Variants in HHIPL2 observed in about 807,000 individuals in gnomAD.
HHIPL2 encodes the protein HHIP like 2, also known as HHIP-like protein 2.
A neutral mutation model predicts 61.0 loss-of-function variants in HHIPL2; 61 were observed. The ratio of observed to expected loss-of-function variants is 1.00; its 90% CI spans 0.81 to 1.24. HHIPL2 has a LOEUF of 1.24. Among genes scored for constraint, HHIPL2 ranks in the 50% most tolerant of loss-of-function variants. HHIPL2 has a pLI of 0.00. For missense variants in HHIPL2, 885 were observed against 910.2 expected (o/e 0.97, Z 0.36); for synonymous variants, 343 against 357.4 (o/e 0.96, Z 0.45).
At chr1:222,534,739 A>G (rs1019967446) in intron 5 of HHIPL2, among the ~76,000 whole-genome samples, 1 of 152,056 alleles carries the variant, frequency 6.6e-6, no homozygotes. Flanking sequence ...GAAACAATTC[A>G]TGAACTAAAG....
At chr1:222,528,561 C>G (rs368150089) in intron 6 of HHIPL2, among the ~76,000 whole-genome samples, 1 of 152,006 alleles carries the variant, frequency 6.6e-6, no homozygotes, top group East Asian at 1.9e-4. Flanking sequence ...GAGCCAAGAC[C>G]GCATCACTAC....
At chr1:222,541,918 C>T in intron 3 of HHIPL2, 94 bp downstream of exon 3, 1 of 1,302,040 alleles carries the variant, frequency 7.7e-7, no homozygotes, top group East Asian at 2.4e-5. Context: ...CTACATCTTG[C>T]AGTGTGTGAT....
At chr1:222,527,468 T>G (rs1659094184) in intron 6 of HHIPL2, among the ~76,000 whole-genome samples, 1 of 152,140 alleles carries the variant, frequency 6.6e-6, no homozygotes, top group African/African-American at 2.4e-5. Flanking sequence ...TGCCCCTTCT[T>G]TAGTCCTTTT....
At position 222,544,170 on chromosome 1, in the gene HHIPL2, G is replaced by A. The variant is rs1031315453; in HGVS notation, c.341C>T (p.Ala114Val). Reference protein sequence around the residue: ...ILCQECSPYAAHLYDAENTQT... With the variant: ...ILCQECSPYAVHLYDAENTQT... ...GGTGTTTTCGGCGTCGTAGAGGTGG[G>A]CTGCGTAGGGCGAGCACTCCTAAAA... is the stretch of plus-strand genomic sequence containing the variant. Residue 114 changes from alanine (A) to valine (V), a missense_variant, in exon 2 of 9, where the codon GCC (alanine) becomes GTC (valine). Ala to Val is a moderately conservative substitution (Grantham distance 64). Coordinates refer to ENST00000343410, the MANE Select transcript of HHIPL2 (RefSeq NM_024746.4). 2 of 1,612,590 alleles carry A rather than the reference G, an allele frequency of 1.2e-6. No individual in the cohort carries two copies. The highest frequency in any genetic ancestry group is 1.7e-6 in the Non-Finnish European group (2 of 1,179,884).
chr1:222,531,279 C>G (rs1327847308), intron 6 of HHIPL2, among the ~76,000 whole-genome samples: 1 of 152,152 alleles, frequency 6.6e-6, no homozygotes, highest in Non-Finnish European at 1.5e-5. Context: ...CCAGACAGCA[C>G]CGGCAGCATA....
In HHIPL2 at chr1:222,547,940, C is replaced by T. The variant is rs1410631923; in HGVS notation, c.105G>A (p.Gln35=). Reference sequence around the variant, plus strand: ...GGGGGTGTCCCTGCAGCAAGCCCACCTGGCCCAACAAGAATATGAGGCAGA... The same window carrying T: ...GGGGGTGTCCCTGCAGCAAGCCCACTTGGCCCAACAAGAATATGAGGCAGA... The part of the protein sequence containing the change: ...LCLCLIFLLG[Q]VGLLQGHPQC... Residue 35 remains glutamine, a synonymous_variant, in exon 1 of 9, where the codon CAG becomes CAA. Transcript: ENST00000343410. The T allele has an allele frequency of 1.2e-6, 2 of 1,613,038 alleles. No individual in the cohort carries two copies. Among genetic ancestry groups the T allele is most frequent in the Non-Finnish European group, 8.5e-7 (1 of 1,179,250 alleles).
intron 1 of HHIPL2, among the ~76,000 whole-genome samples, chr1:222,546,017 C>T (rs1659546547): frequency 8.4e-6 from 1 of 118,398 alleles, no homozygotes; most frequent in African/African-American, 3.1e-5. Flanking sequence ...TGCACTCCAT[C>T]CTGAGTGACA....
At position 222,540,258 on chromosome 1, in the gene HHIPL2, T is replaced by C. The variant is rs373229524; in HGVS notation, c.1202A>G (p.Asn401Ser). Residue 401 changes from asparagine to serine, a missense_variant, in exon 4 of 9, where the codon AAT (asparagine) becomes AGT (serine). By Grantham distance (46) the Asn-to-Ser change is conservative. Transcript: ENST00000343410. The stretch of plus-strand genomic sequence containing the variant: ...GGCCCCTGGCTCAGAAACAAATGGA[T>C]TGTCCGAGGGGACTCGGTACCGCTT... ...HGKRYRVPSDNPFVSEPGAHP... is the reference protein window; with the variant it reads ...HGKRYRVPSDSPFVSEPGAHP... 23 of 1,614,128 alleles carry C rather than the reference T, an allele frequency of 1.4e-5. No homozygotes were observed. The highest frequency in any genetic ancestry group is 2.7e-5 in the African/African-American group (2 of 74,948).
chr1:222,530,607 G>A lies in HHIPL2; in HGVS notation c.1723+1359C>T, dbSNP rs889927652. 2.0e-5 allele frequency among the ~76,000 whole-genome samples: 3 copies of A among 152,262 alleles called. 1 individual carries two copies. In the South Asian group the frequency reaches 6.2e-4, roughly 32 times the overall value. ...GAGGAAAGGGTCCGGGAGCTGACTGGGTCTCTTTATATCCTACTCAAGTGA... is the reference window on the plus strand; with the variant it reads ...GAGGAAAGGGTCCGGGAGCTGACTGAGTCTCTTTATATCCTACTCAAGTGA... On this transcript the variant is annotated intron_variant, in intron 6 of 8. Transcript: ENST00000343410.
In HHIPL2 at chr1:222,543,673, G is replaced by T. The variant is rs1327717850; in HGVS notation, c.838C>A (p.His280Asn). The T allele has an allele frequency of 6.2e-7, 1 of 1,614,042 alleles. No homozygotes were observed. The highest frequency in any genetic ancestry group is 8.5e-7 in the Non-Finnish European group (1 of 1,180,046). Residue 280 changes from histidine to asparagine, a missense_variant, in exon 2 of 9, where the codon CAC becomes AAC. Physicochemically the swap from His to Asn is moderately conservative, Grantham distance 68. Transcript: ENST00000343410. Reference sequence around the variant, plus strand: ...TTGCGATTGTGGCGGAATTTGGGGTGAAAAGCCAACCCCAAGAAGCCTCTC... The same window carrying T: ...TTGCGATTGTGGCGGAATTTGGGGTTAAAAGCCAACCCCAAGAAGCCTCTC... ...DERGFLGLAF[H>N]PKFRHNRKFY...
chr1:222,530,492 G>A (rs1203968352), intron 6 of HHIPL2, among the ~76,000 whole-genome samples: 2 of 152,154 alleles, frequency 1.3e-5, no homozygotes, highest in Non-Finnish European at 2.9e-5. Context: ...ACTTTTTCCT[G>A]TTAAAATACT....
intron 5 of HHIPL2, 93 bp downstream of exon 5, chr1:222,538,555 C>T (rs1041976914): frequency 8.6e-7 from 1 of 1,162,214 alleles, no homozygotes; most frequent in Non-Finnish European, 1.2e-6. Flanking sequence ...AACACCTGTG[C>T]TCTTACGTGA....
Position 222,540,291 on chromosome 1 carries a change from G to A in HHIPL2, c.1169C>T (p.Ser390Leu). 1 of 1,614,178 alleles carries A rather than the reference G, an allele frequency of 6.2e-7. No individual in the cohort carries two copies. The highest frequency in any genetic ancestry group is 8.5e-7 in the Non-Finnish European group (1 of 1,180,012). Residue 390 changes from serine (S) to leucine (L), a missense_variant, in exon 4 of 9, where the codon TCA becomes TTA. Physicochemically the swap from Ser to Leu is moderately radical, Grantham distance 145. Coordinates refer to ENST00000343410, the MANE Select transcript of HHIPL2 (RefSeq NM_024746.4). ...VLRIDVNRAG[S>L]HGKRYRVPSD... The stretch of plus-strand genomic sequence containing the variant: ...GGGGACTCGGTACCGCTTGCCATGT[G>A]AGCCTGCCCTGTTCACATCGATCCT...
Position 222,547,907 on chromosome 1 carries a change from C to T in HHIPL2, c.138G>A (p.Leu46=), listed in dbSNP as rs1253458818. The change falls in exon 1 of 9, where the codon CTG becomes CTA. Residue 46 remains leucine (L), a synonymous_variant. Transcript: ENST00000343410. The part of the protein sequence containing the change: ...VGLLQGHPQC[L]DYGPPFQPPL... The stretch of plus-strand genomic sequence containing the variant: ...GGGGCTGGAAAGGGGGCCCGTAATC[C>T]AGGCACTGGGGGTGTCCCTGCAGCA... 9 of 1,613,988 alleles carry T rather than the reference C, an allele frequency of 5.6e-6. No individual in the cohort carries two copies. Among genetic ancestry groups the T allele is most frequent in the Non-Finnish European group, 7.6e-6 (9 of 1,180,022 alleles).
rs199605935 is a variant in HHIPL2, at chr1:222,540,285, C to A, written c.1175G>T (p.Gly392Val). 1 of 1,614,184 alleles carries A rather than the reference C, an allele frequency of 6.2e-7. No individual in the cohort carries two copies. The highest frequency in any genetic ancestry group is 1.3e-5 in the African/African-American group (1 of 75,062). ...GTCCGAGGGGACTCGGTACCGCTTG[C>A]CATGTGAGCCTGCCCTGTTCACATC... Reference protein sequence around the residue: ...RIDVNRAGSHGKRYRVPSDNP... With the variant: ...RIDVNRAGSHVKRYRVPSDNP... Residue 392 changes from glycine to valine, a missense_variant, in exon 4 of 9, where the codon GGC (glycine) becomes GTC (valine). By Grantham distance (109) the Gly-to-Val change is moderately radical. Coordinates refer to ENST00000343410, the MANE Select transcript of HHIPL2 (RefSeq NM_024746.4).
intron 1 of HHIPL2, among the ~76,000 whole-genome samples, chr1:222,544,668 C>T (rs1659518252): frequency 6.6e-6 from 1 of 152,096 alleles, no homozygotes; most frequent in East Asian, 1.9e-4. Context: ...TCGGCCCAGC[C>T]TCATTTTCTT....
chr1:222,540,054 C>T lies in HHIPL2; in HGVS notation c.1406G>A (p.Gly469Glu). The T allele has an allele frequency of 1.2e-6, 2 of 1,614,220 alleles. No homozygotes were observed. Among genetic ancestry groups the T allele is most frequent in the Non-Finnish European group, 1.7e-6 (2 of 1,180,048 alleles). ...GGNYGWRAKEGFACYDKKLCH... is the reference protein window; with the variant it reads ...GGNYGWRAKEEFACYDKKLCH... ...AAGTTTTTTGTCATAACATGCAAAC[C>T]CTTCCTTTGCTCTCCAGCCATAGTT... is the stretch of plus-strand genomic sequence containing the variant. Residue 469 changes from glycine (G) to glutamate (E), a missense_variant, in exon 4 of 9, where the codon GGG becomes GAG. By Grantham distance (98) the Gly-to-Glu change is moderately conservative (BLOSUM62 -2). Coordinates refer to ENST00000343410, the MANE Select transcript of HHIPL2 (RefSeq NM_024746.4).
intron 1 of HHIPL2, among the ~76,000 whole-genome samples, chr1:222,544,415 T>G (rs1380597853): frequency 6.6e-6 from 1 of 152,238 alleles, no homozygotes; most frequent in Non-Finnish European, 1.5e-5. Context: ...CTGTACTATC[T>G]CTAACATTTC....
chr1:222,541,988 G>A (rs1659441714), intron 3 of HHIPL2, 24 bp downstream of exon 3: 2 of 1,584,522 alleles, frequency 1.3e-6, no homozygotes, highest in African/African-American at 2.7e-5. Context: ...GAAGGGACAA[G>A]GGCCCGGCCC....
Sources: allele counts gnomAD v4.1 joint callset (sites outside exome capture counted in the v4.1 genomes callset), GRCh38; gene constraint gnomAD v4.1.1; transcripts MANE v1.5; gene names NCBI Gene and HGNC (gene_info 2026-07-23, HGNC 2026-07-21).